The following MALRD1 variants were observed in gnomAD, a reference collection of about 807,000 sequenced individuals.
MALRD1 encodes the protein MAM and LDL receptor class A domain containing 1.
Under a neutral mutation model 242.1 loss-of-function variants are expected in MALRD1, and 247 were observed. That is an observed-to-expected ratio of 1.02 (90% CI 0.92 to 1.13). MALRD1 has a LOEUF of 1.13. Ranked by LOEUF, MALRD1 falls within the 50% of genes most tolerant of loss-of-function variation. The probability of loss-of-function intolerance (pLI) is 0.00; values close to 1 mark genes in which losing one functional copy is unlikely to be tolerated. For synonymous variants in MALRD1, 995 were observed against 866.6 expected, an observed-to-expected ratio of 1.15 and a Z score of -2.60; for missense variants, 2,989 against 2,533.1, an observed-to-expected ratio of 1.18 and a Z score of -3.86.
intron 33 of MALRD1, among the ~76,000 whole-genome samples, chr10:19,577,890 C>G (rs1836909010): frequency 6.6e-6 from 1 of 152,062 alleles, no homozygotes; most frequent in African/African-American, 2.4e-5. Flanking sequence ...CTCAGAAAAG[C>G]TCAGCATCCA....
chr10:19,232,460 G>T (rs1838125756), intron 18 of MALRD1, among the ~76,000 whole-genome samples: 1 of 151,922 alleles, frequency 6.6e-6, no homozygotes, highest in East Asian at 1.9e-4. Flanking sequence ...TTATAGGCAT[G>T]AGCCACCACT....
intron 34 of MALRD1, among the ~76,000 whole-genome samples, chr10:19,605,841 A>G (rs565869783): frequency 2.0e-5 from 3 of 152,128 alleles, no homozygotes; most frequent in African/African-American, 7.2e-5. Flanking sequence ...TGTCATCACC[A>G]TGTATGATTC....
Position 19,325,507 on chromosome 10 carries a change from G to A in MALRD1, c.3576+1402G>A, listed in dbSNP as rs532933403. Among the ~76,000 whole-genome samples the A allele has an allele frequency of 6.6e-5, 10 of 151,176 alleles. No homozygotes were observed. The South Asian group carries it at 2.1e-3, about 31-fold the overall frequency. On this transcript the variant is annotated intron_variant, in intron 22 of 39. Transcript: ENST00000454679. Reference sequence around the variant, plus strand: ...TTCCCAAGTCCTGTCTTCCCATACTGTATATGCCCTGGTGGAGAATAATGC... The same window carrying A: ...TTCCCAAGTCCTGTCTTCCCATACTATATATGCCCTGGTGGAGAATAATGC...
chr10:19,621,334 C>T (rs1589318605), intron 36 of MALRD1, among the ~76,000 whole-genome samples: 1 of 92,798 alleles, frequency 1.1e-5, no homozygotes, highest in African/African-American at 4.3e-5. Context: ...ATTTTAAAGT[C>T]TAAGTGTAAA....
intron 38 of MALRD1, 23 bp downstream of exon 38, chr10:19,692,577 A>G (rs1271548038): frequency 2.0e-6 from 3 of 1,509,766 alleles, no homozygotes; most frequent in East Asian, 4.9e-5. Flanking sequence ...TTTAGTTGCT[A>G]AATGAAATAT....
chr10:19,162,030 GAACAACAACAACAGC>G (rs1001812521), intron 12 of MALRD1, among the ~76,000 whole-genome samples: 1 of 146,662 alleles, frequency 6.8e-6, no homozygotes, highest in African/African-American at 2.5e-5. Context: ...TCTGTCTCAA[GAACAACAACAACAGC>G]AACAACAACA....
chr10:19,419,466 A>T (rs1355239473), intron 28 of MALRD1, among the ~76,000 whole-genome samples: 1 of 151,650 alleles, frequency 6.6e-6, no homozygotes, highest in African/African-American at 2.4e-5. Flanking sequence ...AGCAAATTTA[A>T]TTTTTTTGTT....
intron 31 of MALRD1, among the ~76,000 whole-genome samples, chr10:19,529,155 A>G (rs768401217): frequency 1.3e-5 from 2 of 152,216 alleles, no homozygotes; most frequent in Non-Finnish European, 2.9e-5. Flanking sequence ...GAAAGTAGCC[A>G]TTTTGAAATA....
In MALRD1 at chr10:19,266,228, A is replaced by G. The variant is rs1005510846; in HGVS notation, c.3079+8457A>G. Reference sequence around the variant, plus strand: ...ACTTACATTTAAAGTAATTATTAATAGGTAAGGACTTACTATTGCCATTTA... The same window carrying G: ...ACTTACATTTAAAGTAATTATTAATGGGTAAGGACTTACTATTGCCATTTA... On this transcript the variant is annotated intron_variant, in intron 19 of 39. Coordinates refer to ENST00000454679, the MANE Select transcript of MALRD1 (RefSeq NM_001142308.3). 2.0e-4 allele frequency among the ~76,000 whole-genome samples: 31 copies of G among 151,966 alleles called. No individual in the cohort carries two copies. The Middle Eastern group carries it at 0.014, about 67-fold the overall frequency.
At chr10:19,104,772 G>A (rs1266567431) in intron 5 of MALRD1, among the ~76,000 whole-genome samples, 2 of 152,000 alleles carry the variant, frequency 1.3e-5, no homozygotes, top group African/African-American at 4.8e-5. Flanking sequence ...GTTCAGTTTG[G>A]TACAAAGATA....
chr10:19,081,469 A>G (rs1835489073), intron 2 of MALRD1, among the ~76,000 whole-genome samples: 1 of 152,104 alleles, frequency 6.6e-6, no homozygotes, highest in African/African-American at 2.4e-5. Flanking sequence ...TTGCAGGGAC[A>G]CGGATAAAGC....
rs1846137390 is a variant in MALRD1 at position 19,387,563 on chromosome 10, G to A, written c.4477G>A (p.Gly1493Arg). 3.2e-6 allele frequency: 5 copies of A among 1,550,412 alleles called. No individual in the cohort carries two copies. Among genetic ancestry groups the A allele is most frequent in the Non-Finnish European group, 4.4e-6 (5 of 1,146,848 alleles). The change falls in exon 27 of 40, where the codon GGA becomes AGA. Residue 1493 changes from glycine to arginine, a missense_variant. Physicochemically the swap from Gly to Arg is moderately radical, Grantham distance 125 (BLOSUM62 -2). Transcript: ENST00000454679. The part of the protein sequence containing the change: ...CPLGYRECHN[G>R]KCYRLEQSCN... ...ACTTGGCTATAGGGAATGTCATAAT[G>A]GAAAATGCTATAGGCTGGAACAAAG...
chr10:19,704,079 A>C (rs2131853425), intron 38 of MALRD1, among the ~76,000 whole-genome samples: 1 of 152,230 alleles, frequency 6.6e-6, no homozygotes, highest in Non-Finnish European at 1.5e-5. Context: ...TATCCTCTTG[A>C]AGCATTGTAC....
At position 19,165,280 on chromosome 10, in the gene MALRD1, GT is replaced by G. The variant is rs1245424626; in HGVS notation, c.1657-352del. Among the ~76,000 whole-genome samples, 500 of 75,388 alleles carry G rather than the reference GT, an allele frequency of 6.6e-3. 5 individuals are homozygous for G. Among genetic ancestry groups the G allele is most frequent in the African/African-American group, 0.037 (467 of 12,718 alleles). The allele number at this position is 75,388 out of a possible 152,430, so 49.5% of individuals were successfully genotyped here. On this transcript the variant is annotated intron_variant, in intron 12 of 39. Transcript: ENST00000454679. ...ATATATATATATTTTGTTTTGTTTTGTTTTTGTTTTGTTTTGTTTTGTTTTG... is the reference window on the plus strand; with the variant it reads ...ATATATATATATTTTGTTTTGTTTTGTTTTGTTTTGTTTTGTTTTGTTTTG...
intron 20 of MALRD1, among the ~76,000 whole-genome samples, chr10:19,282,315 C>A (rs1426370599): frequency 6.6e-6 from 1 of 152,124 alleles, no homozygotes; most frequent in Non-Finnish European, 1.5e-5. Flanking sequence ...ACCCAAATTT[C>A]TAAATGGTCA....
rs1287122089 is a variant in MALRD1 at position 19,531,184 on chromosome 10, C to A, written c.5321-10C>A. ...TTACACTGAAAAAAATTTTGTTAAT[C>A]TATTTCAAGGTAGTGGTCAGCACTT... On this transcript the variant is annotated splice_polypyrimidine_tract_variant and intron_variant, in intron 31 of 39. Coordinates refer to ENST00000454679, the MANE Select transcript of MALRD1 (RefSeq NM_001142308.3). 2 of 1,534,060 alleles carry A rather than the reference C, an allele frequency of 1.3e-6. No individual in the cohort carries two copies. Among genetic ancestry groups the A allele is most frequent in the African/African-American group, 2.8e-5 (2 of 72,430 alleles).
chr10:19,552,733 T>C (rs186198047), intron 32 of MALRD1, among the ~76,000 whole-genome samples: 1 of 152,270 alleles, frequency 6.6e-6, no homozygotes, highest in Admixed American at 6.5e-5. Flanking sequence ...AATTATTTTG[T>C]TTTTCTTTTT....
chr10:19,535,977 T>G (rs11010274), intron 32 of MALRD1, among the ~76,000 whole-genome samples: 106,153 of 152,094 alleles, frequency 0.7, 40,609 homozygotes, highest in Non-Finnish European at 0.84. Context: ...TATGAGGCAA[T>G]AAAAATAGGA....
chr10:19,324,599 AT>A (rs34635923), intron 22 of MALRD1, among the ~76,000 whole-genome samples: 7 of 146,862 alleles, frequency 4.8e-5, no homozygotes, highest in Non-Finnish European at 7.5e-5. Context: ...CAGAGATCTT[AT>A]TTTTTTTTTA....
Sources: allele counts gnomAD v4.1 joint callset (sites outside exome capture counted in the v4.1 genomes callset), GRCh38; gene constraint gnomAD v4.1.1; transcripts MANE v1.5; gene names NCBI Gene and HGNC (gene_info 2026-07-23, HGNC 2026-07-21).